Variants in LRP1B observed in about 807,000 individuals in gnomAD.
LRP1B encodes low-density lipoprotein receptor-related protein 1B.
Under a neutral mutation model 556.6 loss-of-function variants are expected in LRP1B, and 217 were observed. That is an observed-to-expected ratio of 0.39 (90% CI 0.35 to 0.44). The LOEUF is 0.44. Among genes scored for constraint, LRP1B ranks in the 20% least tolerant of loss-of-function variants. The probability of loss-of-function intolerance (pLI) is 1.00; values close to 1 mark genes in which losing one functional copy is unlikely to be tolerated. For missense variants in LRP1B, 5,053 were observed against 5,620.8 expected, an observed-to-expected ratio of 0.90 and a Z score of 3.23; for synonymous variants, 2,047 against 1,865.8, an observed-to-expected ratio of 1.10 and a Z score of -2.50.
chr2:140,637,941 T>C (rs1684128125), intron 41 of LRP1B, among the ~76,000 whole-genome samples: 1 of 152,214 alleles, frequency 6.6e-6, no homozygotes, highest in Admixed American at 6.5e-5. Flanking sequence ...ATCAAGGTAT[T>C]AGCACTGACT....
At chr2:140,413,594 A>C (rs1418233118) in intron 66 of LRP1B, among the ~76,000 whole-genome samples, 1 of 152,226 alleles carries the variant, frequency 6.6e-6, no homozygotes, top group Non-Finnish European at 1.5e-5. Flanking sequence ...TAAAAATAAA[A>C]TTTCATATAC....
rs1465659592 is a variant in LRP1B at position 141,103,705 on chromosome 2, GAA to G, written c.1014-41434_1014-41433del. Among the ~76,000 whole-genome samples the G allele has an allele frequency of 1.8e-4, 17 of 96,156 alleles. No individual in the cohort carries two copies. The South Asian group carries it at 5.7e-3, about 32-fold the overall frequency. The allele number at this position is 96,156 out of a possible 152,430, so 63.1% of individuals were successfully genotyped here. A position where few individuals can be genotyped will look rare whatever the true frequency, so the allele number is the denominator to read the frequency against. On this transcript the variant is annotated intron_variant, in intron 7 of 90. Transcript: ENST00000389484. ...GTGAAAAAAAAAGAAAATTAAGGCT[GAA>G]GTTTTTTTTTTTTAGAAGAAACCCC...
chr2:140,260,198 G>A (rs1681870864), intron 86 of LRP1B, among the ~76,000 whole-genome samples: 1 of 151,838 alleles, frequency 6.6e-6, no homozygotes, highest in Non-Finnish European at 1.5e-5. Context: ...GAGTGTCCTG[G>A]AGTTTTGCCA....
intron 14 of LRP1B, among the ~76,000 whole-genome samples, chr2:141,012,421 C>CTCAGTAT (rs1697780733): frequency 6.6e-6 from 1 of 151,948 alleles, no homozygotes; most frequent in Non-Finnish European, 1.5e-5. Context: ...TCAGTATAGG[C>CTCAGTAT]AAACTATGGT....
intron 21 of LRP1B, among the ~76,000 whole-genome samples, chr2:140,910,426 T>TCC (rs1694386511): frequency 6.6e-6 from 1 of 151,818 alleles, no homozygotes; most frequent in Non-Finnish European, 1.5e-5. Context: ...GAGGTAATCA[T>TCC]TTTAAAATAA....
At chr2:140,936,798 G>A (rs1559205060) in intron 20 of LRP1B, among the ~76,000 whole-genome samples, 2 of 152,044 alleles carry the variant, frequency 1.3e-5, no homozygotes, top group African/African-American at 4.8e-5. Flanking sequence ...AAAGATTAAT[G>A]TGTTTTTAAA....
At chr2:140,705,751 A>T (rs528246378) in intron 37 of LRP1B, among the ~76,000 whole-genome samples, 1 of 152,188 alleles carries the variant, frequency 6.6e-6, no homozygotes, top group Non-Finnish European at 1.5e-5. Context: ...GAATTTACAC[A>T]ATTCTTTTCC....
chr2:141,038,413 T>G lies in LRP1B; in HGVS notation c.1789+10573A>C, dbSNP rs151283166. Among the ~76,000 whole-genome samples the G allele has an allele frequency of 2.2e-4, 33 of 152,198 alleles. No individual in the cohort carries two copies. The East Asian group carries it at 6.2e-3, about 29-fold the overall frequency. ...ACTACCTAGTGTAAGCTGAAAGGAT[T>G]GGGATTTGACCAAGTTTTGATGTGG... On this transcript the variant is annotated intron_variant, in intron 11 of 90. Transcript: ENST00000389484.
At chr2:140,559,234 A>G (rs1030320044) in intron 43 of LRP1B, among the ~76,000 whole-genome samples, 3 of 152,152 alleles carry the variant, frequency 2.0e-5, no homozygotes, top group African/African-American at 7.2e-5. Context: ...AAAATTTCCA[A>G]GCCTCCTAAA....
intron 3 of LRP1B, among the ~76,000 whole-genome samples, chr2:141,456,227 TTC>T (rs954829410): frequency 8.5e-5 from 13 of 152,218 alleles, no homozygotes; most frequent in African/African-American, 2.9e-4. Flanking sequence ...GTATTTTTTT[TTC>T]TTTTAAACTG....
chr2:140,799,772 G>A (rs763678773), intron 32 of LRP1B, among the ~76,000 whole-genome samples: 13 of 152,094 alleles, frequency 8.5e-5, no homozygotes, highest in Non-Finnish European at 1.5e-4. Flanking sequence ...TGCTGCGGAC[G>A]AAGAGGTTCC....
At chr2:140,432,032 G>A (rs1007109162) in intron 66 of LRP1B, among the ~76,000 whole-genome samples, 1 of 152,116 alleles carries the variant, frequency 6.6e-6, no homozygotes, top group Non-Finnish European at 1.5e-5. Flanking sequence ...CATATCCCCT[G>A]TGACCTGCAC....
At chr2:141,404,792 G>A (rs184181913) in intron 3 of LRP1B, among the ~76,000 whole-genome samples, 1 of 152,134 alleles carries the variant, frequency 6.6e-6, no homozygotes, top group Admixed American at 6.5e-5. Flanking sequence ...TGAGTAAAAT[G>A]CAAGACATTG....
chr2:141,173,883 T>G (rs1680616968), intron 7 of LRP1B, among the ~76,000 whole-genome samples: 1 of 152,110 alleles, frequency 6.6e-6, no homozygotes, highest in Non-Finnish European at 1.5e-5. Context: ...CAGTTAAAGA[T>G]GAGATTCATG....
intron 1 of LRP1B, among the ~76,000 whole-genome samples, chr2:141,990,031 A>T (rs1397162148): frequency 6.6e-6 from 1 of 152,068 alleles, no homozygotes; most frequent in African/African-American, 2.4e-5. Context: ...GATGTCTACA[A>T]TTTCTCTTAC....
chr2:142,100,989 A>G (rs1019378243), intron 1 of LRP1B, among the ~76,000 whole-genome samples: 1 of 151,902 alleles, frequency 6.6e-6, no homozygotes, highest in Non-Finnish European at 1.5e-5. Context: ...AGGAGTTCTC[A>G]ATCAAATAAA....
At chr2:141,732,914 A>G (rs1459698961) in intron 2 of LRP1B, among the ~76,000 whole-genome samples, 2 of 152,072 alleles carry the variant, frequency 1.3e-5, no homozygotes, top group Non-Finnish European at 2.9e-5. Flanking sequence ...GAAAAATGGA[A>G]AAATGTCAAA....
At chr2:142,071,860 G>A (rs1329508645) in intron 1 of LRP1B, among the ~76,000 whole-genome samples, 1 of 151,888 alleles carries the variant, frequency 6.6e-6, no homozygotes, top group Admixed American at 6.6e-5. Context: ...GCCTCCATGA[G>A]GATGGCTCAA....
intron 1 of LRP1B, among the ~76,000 whole-genome samples, chr2:141,990,735 G>A (rs563906184): frequency 2.0e-5 from 3 of 152,036 alleles, no homozygotes; most frequent in Non-Finnish European, 2.9e-5. Flanking sequence ...GTGTATGTGT[G>A]TATCTATATG....
Sources: gnomAD v4.1 joint callset for allele counts (sites outside exome capture counted in the v4.1 genomes callset) on GRCh38, gnomAD v4.1.1 for gene constraint, MANE v1.5 for transcripts, NCBI Gene and HGNC (gene_info 2026-07-23, HGNC 2026-07-21) for gene names.